The following FHIT variants were observed in gnomAD, a reference collection of about 807,000 sequenced individuals.
FHIT encodes the protein bis(5'-adenosyl)-triphosphatase.
A neutral mutation model predicts 17.9 loss-of-function variants in FHIT; 19 were observed. The ratio of observed to expected loss-of-function variants is 1.06; its 90% CI spans 0.74 to 1.56. The LOEUF is 1.56. Ranked by LOEUF, FHIT falls within the 40% of genes most tolerant of loss-of-function variation. The pLI is 0.00. For missense variants in FHIT, 248 were observed against 189.2 expected, an observed-to-expected ratio of 1.31 and a Z score of -1.82; for synonymous variants, 81 against 69.7, an observed-to-expected ratio of 1.16 and a Z score of -0.81.
intron 1 of FHIT, among the ~76,000 whole-genome samples, chr3:61,226,981 T>C (rs1269185329): frequency 6.6e-6 from 1 of 152,028 alleles, no homozygotes; most frequent in Non-Finnish European, 1.5e-5. Context: ...TAATGAAGCC[T>C]GAAAAAAAAC....
At chr3:60,866,823 A>T (rs72886300) in intron 3 of FHIT, among the ~76,000 whole-genome samples, 6,703 of 152,274 alleles carry the variant, frequency 0.044, 484 homozygotes, top group African/African-American at 0.15. Context: ...ATTCTTGCAC[A>T]CAAGCACCAA....
intron 5 of FHIT, among the ~76,000 whole-genome samples, chr3:60,341,899 T>C (rs905461312): frequency 2.6e-5 from 4 of 152,192 alleles, no homozygotes; most frequent in Non-Finnish European, 5.9e-5. Flanking sequence ...TGTTCCTTAG[T>C]TCAGCCAAAA....
chr3:60,576,746 G>A (rs2037578668), intron 4 of FHIT, among the ~76,000 whole-genome samples: 1 of 152,090 alleles, frequency 6.6e-6, no homozygotes, highest in African/African-American at 2.4e-5. Context: ...CAATCAGCCG[G>A]GGCAGGGGAA....
At chr3:60,709,317 A>G (rs1008469918) in intron 4 of FHIT, among the ~76,000 whole-genome samples, 1 of 152,192 alleles carries the variant, frequency 6.6e-6, no homozygotes, top group Admixed American at 6.5e-5. Context: ...GGATTCTCCT[A>G]TCTGTTTCTG....
chr3:60,619,600 C>CAAAAAAAAAAAA (rs57198487), intron 4 of FHIT, among the ~76,000 whole-genome samples: 4 of 88,690 alleles, frequency 4.5e-5, no homozygotes, highest in South Asian at 3.7e-4. Flanking sequence ...TACCCACATG[C>CAAAAAAAAAAAA]AAAAAAAAAA....
chr3:60,273,478 C>T (rs2223087), intron 5 of FHIT, among the ~76,000 whole-genome samples: 13,885 of 151,864 alleles, frequency 0.091, 765 homozygotes, highest in Non-Finnish European at 0.12. Flanking sequence ...GGGGTGGTGG[C>T]GGGTGCCTGT....
chr3:60,996,995 C>A (rs1027389404), intron 3 of FHIT, among the ~76,000 whole-genome samples: 1 of 152,204 alleles, frequency 6.6e-6, no homozygotes, highest in South Asian at 2.1e-4. Context: ...ATTATTAACT[C>A]CCTGAATATT....
chr3:60,246,498 G>C (rs1437163368), intron 5 of FHIT, among the ~76,000 whole-genome samples: 1 of 152,062 alleles, frequency 6.6e-6, no homozygotes, highest in Non-Finnish European at 1.5e-5. Context: ...AGCAGAAAAT[G>C]GGAGTCTTTA....
At chr3:60,602,749 T>G (rs1409629560) in intron 4 of FHIT, among the ~76,000 whole-genome samples, 6 of 152,138 alleles carry the variant, frequency 3.9e-5, no homozygotes, top group Non-Finnish European at 8.8e-5. Context: ...AAATCCTAAC[T>G]TCCAAGGTGA....
intron 8 of FHIT, among the ~76,000 whole-genome samples, chr3:59,840,556 C>T (rs1029020771): frequency 1.3e-5 from 2 of 152,114 alleles, no homozygotes; most frequent in African/African-American, 2.4e-5. Flanking sequence ...TGAAATCCAT[C>T]GCCAATTCAT....
intron 5 of FHIT, among the ~76,000 whole-genome samples, chr3:60,375,854 G>A (rs1006254924): frequency 1.2e-4 from 19 of 152,040 alleles, no homozygotes; most frequent in African/African-American, 4.3e-4. Flanking sequence ...TCTCTACAAC[G>A]ATAAAAATGT....
intron 4 of FHIT, among the ~76,000 whole-genome samples, chr3:60,554,115 G>C (rs2036661299): frequency 6.6e-6 from 1 of 151,900 alleles, no homozygotes; most frequent in African/African-American, 2.4e-5. Flanking sequence ...AAACGTATCA[G>C]GGAAAGACAG....
At chr3:60,474,390 G>A (rs377760584) in intron 5 of FHIT, among the ~76,000 whole-genome samples, 2 of 152,076 alleles carry the variant, frequency 1.3e-5, no homozygotes, top group African/African-American at 2.4e-5. Flanking sequence ...GCCCCAAAGG[G>A]CTTCTGTCAC....
At chr3:60,642,645 C>A (rs1312554727) in intron 4 of FHIT, among the ~76,000 whole-genome samples, 2 of 152,100 alleles carry the variant, frequency 1.3e-5, no homozygotes, top group Non-Finnish European at 2.9e-5. Context: ...CATCACTCTG[C>A]GAAAGAGAAG....
chr3:61,072,549 C>T (rs1038922596), intron 2 of FHIT, among the ~76,000 whole-genome samples: 1 of 152,058 alleles, frequency 6.6e-6, no homozygotes, highest in Non-Finnish European at 1.5e-5. Context: ...TGCACTATAG[C>T]CAAACTTGGA....
At chr3:60,523,067 C>G (rs928088636) in intron 5 of FHIT, among the ~76,000 whole-genome samples, 1 of 152,124 alleles carries the variant, frequency 6.6e-6, no homozygotes, top group East Asian at 1.9e-4. Context: ...AACAGCAAAT[C>G]TCGTGAGACT....
intron 4 of FHIT, among the ~76,000 whole-genome samples, chr3:60,556,138 G>C (rs2036731024): frequency 6.6e-6 from 1 of 152,186 alleles, no homozygotes; most frequent in African/African-American, 2.4e-5. Context: ...GACCTGGAAT[G>C]AACAGTGAGT....
At chr3:60,767,575 G>A (rs1699900114) in intron 4 of FHIT, among the ~76,000 whole-genome samples, 1 of 152,196 alleles carries the variant, frequency 6.6e-6, no homozygotes, top group Non-Finnish European at 1.5e-5. Flanking sequence ...ATATCCCAGA[G>A]AATCTACTGT....
chr3:60,048,237 C>T (rs1051111953), intron 5 of FHIT, among the ~76,000 whole-genome samples: 8 of 152,154 alleles, frequency 5.3e-5, no homozygotes, highest in East Asian at 1.9e-4. Flanking sequence ...AGTGCAGTGG[C>T]GTGATCTCAG....
Sources: allele counts gnomAD v4.1 joint callset (sites outside exome capture counted in the v4.1 genomes callset), GRCh38; gene constraint gnomAD v4.1.1; transcripts MANE v1.5; gene names NCBI Gene and HGNC (gene_info 2026-07-23, HGNC 2026-07-21).